Variants in HOMER3 observed in about 807,000 individuals in gnomAD.
HOMER3 encodes the protein homer protein homolog 3.
A neutral mutation model predicts 45.5 loss-of-function variants in HOMER3; 34 were observed. The observed-to-expected ratio is 0.75, with a 90% confidence interval of 0.57 to 1.00. The LOEUF (loss-of-function observed/expected upper bound fraction) is 1.00, where lower values mean the gene tolerates loss of function less well. Ranked by LOEUF, HOMER3 falls within the 50% of genes least tolerant of loss-of-function variation. HOMER3 has a pLI of 0.00. For synonymous variants in HOMER3, 223 were observed against 208.8 expected (o/e 1.07, Z -0.58); for missense variants, 480 against 497.5 (o/e 0.96, Z 0.33).
chr19:18,938,354 T>G lies in HOMER3; in HGVS notation c.302A>C (p.Gln101Pro). ...LGFASEQHLT[Q>P]FAEKFQEVKE... ...CACTCTCCCCCTCACCCGGCCCACC[T>G]GTGTCAGATGCTGTTCAGAGGCAAA... The change falls in exon 4 of 10, where the codon CAG (glutamine) becomes CCG (proline). Residue 101 changes from glutamine (Q) to proline (P), a missense_variant and splice_region_variant. Transcript: ENST00000392351. 6.2e-7 allele frequency: 1 copy of G among 1,601,720 alleles called. No homozygotes were observed. Among genetic ancestry groups the G allele is most frequent in the Non-Finnish European group, 8.5e-7 (1 of 1,169,620 alleles).
intron 4 of HOMER3, among the ~76,000 whole-genome samples, chr19:18,936,785 C>G (rs547741775): frequency 6.6e-6 from 1 of 151,322 alleles, no homozygotes; most frequent in Non-Finnish European, 1.5e-5. Flanking sequence ...GTCAGGAGAT[C>G]GAGACCATCC....
rs1331742741 is a variant in HOMER3, at chr19:18,929,210, A to G, written c.*233T>C. On this transcript the variant is annotated 3_prime_UTR_variant, in exon 10 of 10. Coordinates refer to ENST00000392351, the MANE Select transcript of HOMER3 (RefSeq NM_004838.4). ...ATACCACACACACACAGCCACGCTT[A>G]GAAATGTAATCGGGGGATCTAGAAA... The G allele has an allele frequency of 2.6e-6, 2 of 762,084 alleles. No homozygotes were observed. Among genetic ancestry groups the G allele is most frequent in the Admixed American group, 3.4e-5 (2 of 58,798 alleles). The allele number at this position is 762,084 out of a possible 1,614,324, so 47.2% of individuals were successfully genotyped here. A position where few individuals can be genotyped will look rare whatever the true frequency, so the allele number is the denominator to read the frequency against.
chr19:18,938,829 T>A lies in HOMER3; in HGVS notation c.70A>T (p.Lys24Ter). The A allele has an allele frequency of 6.2e-7, 1 of 1,601,614 alleles. No homozygotes were observed. The highest frequency in any genetic ancestry group is 1.1e-5 in the South Asian group (1 of 88,810). ...AHVFQIDPAT[K>*]RNWIPAGKHA... ...TTGCCCGCTGGGATCCAGTTTCGCT[T>A]GGTGGCTGGGTCAATTTGGAACACG... Residue 24 changes from lysine to a stop codon, truncating the protein, a stop_gained, in exon 3 of 10, where the codon AAG becomes TAG. Transcript: ENST00000392351. LOFTEE classifies it high-confidence loss of function.
In HOMER3 at chr19:18,931,604, C is replaced by T. The variant is rs2057033252; in HGVS notation, c.712G>A (p.Ala238Thr). 1.9e-6 allele frequency: 3 copies of T among 1,611,206 alleles called. No individual in the cohort carries two copies. The highest frequency in any genetic ancestry group is 2.5e-6 in the Non-Finnish European group (3 of 1,179,164). ...CCGGTGGGGGTCACCTCTGAAGCTGCCTGAGCCTCCAGCTCAGCCACCTGT... is the reference window on the plus strand; with the variant it reads ...CCGGTGGGGGTCACCTCTGAAGCTGTCTGAGCCTCCAGCTCAGCCACCTGT... ...RQRVAELEAQ[A>T]ASEVTPTGEK... is the part of the protein sequence containing the mutation. Residue 238 changes from alanine to threonine, a missense_variant, in exon 8 of 10, where the codon GCA becomes ACA. Ala to Thr is a moderately conservative substitution (Grantham distance 58). Coordinates refer to ENST00000392351, the MANE Select transcript of HOMER3 (RefSeq NM_004838.4).
rs762854454 is a variant in HOMER3 at position 18,931,307 on chromosome 19, C to T, written c.894+18G>A. 1.2e-6 allele frequency: 2 copies of T among 1,610,266 alleles called. No homozygotes were observed. The highest frequency in any genetic ancestry group is 4.5e-5 in the East Asian group (2 of 44,794). On this transcript the variant is annotated intron_variant, in intron 9 of 9. Transcript: ENST00000392351. ...ACTGTCACCCACCGTCACCCCACCT[C>T]CTTGTGCCCACACACACCTGCACCT...
intron 4 of HOMER3, among the ~76,000 whole-genome samples, chr19:18,936,661 T>C (rs2057096372): frequency 7.3e-6 from 1 of 136,332 alleles, no homozygotes. Context: ...CTAGACTCTG[T>C]CTCCAAAAAA....
rs781210640 is a variant in HOMER3, at chr19:18,932,042, G to A, written c.624C>T (p.Ala208=). 9 of 1,553,618 alleles carry A rather than the reference G, an allele frequency of 5.8e-6. No homozygotes were observed. The highest frequency in any genetic ancestry group is 7.8e-6 in the Non-Finnish European group (9 of 1,150,370). ...KLAGALREAN[A]AAAQWRQQLE... Reference sequence around the variant, plus strand: ...GCTGCTGCCTCCACTGGGCTGCGGCGGCGTTGGCCTCTCGCAGGGCGCCTG... The same window carrying A: ...GCTGCTGCCTCCACTGGGCTGCGGCAGCGTTGGCCTCTCGCAGGGCGCCTG... Residue 208 remains alanine, a synonymous_variant, in exon 7 of 10, where the codon GCC becomes GCT. Transcript: ENST00000392351.
At position 18,929,433 on chromosome 19, in the gene HOMER3, C is replaced by A; in HGVS notation, c.*10G>T. On this transcript the variant is annotated 3_prime_UTR_variant, in exon 10 of 10. Coordinates refer to ENST00000392351, the MANE Select transcript of HOMER3 (RefSeq NM_004838.4). ...CAGGCCGGAATCGTTCATAGAAAACCAGCCCCGGCTCAGGGCGCAGCCTCA... is the reference window on the plus strand; with the variant it reads ...CAGGCCGGAATCGTTCATAGAAAACAAGCCCCGGCTCAGGGCGCAGCCTCA... 6.3e-7 allele frequency: 1 copy of A among 1,587,826 alleles called. No homozygotes were observed.
intron 4 of HOMER3, among the ~76,000 whole-genome samples, chr19:18,937,445 G>A (rs1372137682): frequency 6.6e-6 from 1 of 152,004 alleles, no homozygotes; most frequent in African/African-American, 2.4e-5. Flanking sequence ...GGGAGGCCGA[G>A]GCAGGTGGAT....
chr19:18,931,255 A>G (rs2057028204), intron 9 of HOMER3, 70 bp downstream of exon 9: 1 of 1,320,716 alleles, frequency 7.6e-7, no homozygotes, highest in Non-Finnish European at 1.1e-6. Flanking sequence ...TCTTAGGTAG[A>G]TATTGTCCTG....
chr19:18,934,266 G>A lies in HOMER3; in HGVS notation c.411+37C>T, dbSNP rs781739644. 6 of 1,234,786 alleles carry A rather than the reference G, an allele frequency of 4.9e-6. No homozygotes were observed. The South Asian group carries it at 1.0e-4, about 22-fold the overall frequency. The allele number at this position is 1,234,786 out of a possible 1,614,324, so 76.5% of individuals were successfully genotyped here. On this transcript the variant is annotated intron_variant, in intron 5 of 9. Coordinates refer to ENST00000392351, the MANE Select transcript of HOMER3 (RefSeq NM_004838.4). ...AGTTGAGCGCCTGGCTGACTCACAGGTGCCCAGGCAGGCATAGGGGAGTAG... is the reference window on the plus strand; with the variant it reads ...AGTTGAGCGCCTGGCTGACTCACAGATGCCCAGGCAGGCATAGGGGAGTAG...
At position 18,938,736 on chromosome 19, in the gene HOMER3, C is replaced by G; in HGVS notation, c.163G>C (p.Gly55Arg). 1 of 1,593,396 alleles carries G rather than the reference C, an allele frequency of 6.3e-7. No homozygotes were observed. The highest frequency in any genetic ancestry group is 2.3e-5 in the East Asian group (1 of 44,162). ...RNVYRIISIG[G>R]AKAIINSTVT... ...CCAGACCCCACCCTGACCTTGGCGCCTCCGATGCTGATGATGCGGTACACA... is the reference window on the plus strand; with the variant it reads ...CCAGACCCCACCCTGACCTTGGCGCGTCCGATGCTGATGATGCGGTACACA... The change falls in exon 3 of 10, where the codon GGC becomes CGC. Residue 55 changes from glycine to arginine, a missense_variant. Transcript: ENST00000392351.
intron 9 of HOMER3, among the ~76,000 whole-genome samples, chr19:18,930,272 G>A (rs2057016784): frequency 6.8e-6 from 1 of 147,902 alleles, no homozygotes; most frequent in African/African-American, 2.5e-5. Context: ...AAAAGGCTGG[G>A]CGCAGTGGTT....
At chr19:18,932,897 GCCAC>G in intron 6 of HOMER3, 23 bp downstream of exon 6, 2 of 403,830 alleles carry the variant, frequency 5.0e-6, no homozygotes, top group Admixed American at 6.0e-5. Context: ...CCCCGCCCCT[GCCAC>G]GCCCCCAAGT....
In HOMER3 at chr19:18,932,144, C is replaced by G. The variant is rs1229094511; in HGVS notation, c.534-12G>C. On this transcript the variant is annotated splice_polypyrimidine_tract_variant and intron_variant, in intron 6 of 9. Transcript: ENST00000392351. ...CCTCGCCCACGGAGCTGCAGAGACA[C>G]GAGGGTCGGCAGTGGGTGACACGGG... 2.2e-6 allele frequency: 3 copies of G among 1,363,066 alleles called. No individual in the cohort carries two copies. Among genetic ancestry groups the G allele is most frequent in the Admixed American group, 2.3e-5 (1 of 43,968 alleles). 84.4% of individuals were successfully genotyped at this position (1,363,066 alleles called of 1,614,324 possible).
In HOMER3 at chr19:18,938,790, C is replaced by G. The variant is rs769261242; in HGVS notation, c.109G>C (p.Val37Leu). The stretch of plus-strand genomic sequence containing the variant: ...CGGGTGGCATCGTAGAAATAGGAGA[C>G]AGTGAGTGCGTGCTTGCCCGCTGGG... ...WIPAGKHALT[V>L]SYFYDATRNV... Residue 37 changes from valine (V) to leucine (L), a missense_variant, in exon 3 of 10, where the codon GTC (valine) becomes CTC (leucine). Val to Leu is a conservative substitution (Grantham distance 32). Transcript: ENST00000392351. 1 of 1,600,658 alleles carries G rather than the reference C, an allele frequency of 6.2e-7. No individual in the cohort carries two copies. Among genetic ancestry groups the G allele is most frequent in the Non-Finnish European group, 8.5e-7 (1 of 1,173,874 alleles).
rs757846619 is a variant in HOMER3, at chr19:18,933,014, C to T, written c.443G>A (p.Gly148Asp). ...VPPSPLVSAN[G>D]PGEEKLFRSQ... ...GCGGAACAGTTTTTCCTCGCCGGGG[C>T]CGTTGGCACTGACGAGAGGGCTCGG... is the stretch of plus-strand genomic sequence containing the variant. The change falls in exon 6 of 10, where the codon GGC (glycine) becomes GAC (aspartate). Residue 148 changes from glycine (G) to aspartate (D), a missense_variant. Transcript: ENST00000392351. The T allele has an allele frequency of 6.7e-7, 1 of 1,488,382 alleles. No homozygotes were observed. The highest frequency in any genetic ancestry group is 8.9e-7 in the Non-Finnish European group (1 of 1,124,440). The allele number at this position is 1,488,382 out of a possible 1,614,324, so 92.2% of individuals were successfully genotyped here.
Position 18,931,548 on chromosome 19 carries a change from C to G in HOMER3, c.768G>C (p.Ser256=). 6.2e-7 allele frequency: 1 copy of G among 1,613,632 alleles called. No individual in the cohort carries two copies. Among genetic ancestry groups the G allele is most frequent in the Non-Finnish European group, 8.5e-7 (1 of 1,179,940 alleles). The change falls in exon 8 of 10, where the codon TCG becomes TCC. Residue 256 remains serine, a synonymous_variant. Transcript: ENST00000392351. ...GCACCAGAGCTTCCAGCTGTTCCAG[C>G]GACTGGCCCTGGCCCAGCCCCTCCT... ...GEKEGLGQGQ[S]LEQLEALVQT... is the part of the protein sequence containing the mutation.
Position 18,932,138 on chromosome 19 carries a change from G to A in HOMER3, c.534-6C>T, listed in dbSNP as rs1305439346. The A allele has an allele frequency of 6.5e-7, 1 of 1,534,994 alleles. No homozygotes were observed. Among genetic ancestry groups the A allele is most frequent in the South Asian group, 1.2e-5 (1 of 83,450 alleles). The stretch of plus-strand genomic sequence containing the variant: ...ACTGTACCTCGCCCACGGAGCTGCA[G>A]AGACACGAGGGTCGGCAGTGGGTGA... On this transcript the variant is annotated splice_region_variant and splice_polypyrimidine_tract_variant and intron_variant, in intron 6 of 9. Transcript: ENST00000392351.
Sources: allele counts gnomAD v4.1 joint callset (sites outside exome capture counted in the v4.1 genomes callset), GRCh38; gene constraint gnomAD v4.1.1; transcripts MANE v1.5; gene names NCBI Gene and HGNC (gene_info 2026-07-23, HGNC 2026-07-21).